EDA: variants seen among roughly 807,000 people sequenced by gnomAD.
EDA encodes ectodysplasin A, also known as ectodysplasin-A.
In EDA, 2 loss-of-function variants were observed where a neutral mutation model predicts 23.6. The observed-to-expected ratio is 0.08, with a 90% CI of 0.03 to 0.27. The LOEUF is 0.27. EDA is among the 10% of genes least tolerant of loss of function. The pLI, the probability that EDA is intolerant of heterozygous loss-of-function variation, is 1.00. For missense variants in EDA, 229 were observed against 324.2 expected (o/e 0.71, Z 2.26); for synonymous variants, 131 against 132.0 (o/e 0.99, Z 0.05).
chrX:69,770,638 G>A lies in EDA; in HGVS notation c.396+153934G>A, dbSNP rs370703371. Among the ~76,000 whole-genome samples, 8 of 111,497 alleles carry A rather than the reference G, an allele frequency of 7.2e-5. No homozygotes were observed. In the East Asian group the frequency reaches 1.7e-3, roughly 23 times the overall value. On this transcript the variant is annotated intron_variant, in intron 1 of 7. Transcript: ENST00000374552. ...ATTCAACATACTAGTCCTCTTGGAT[G>A]TGGGTCTTGCAAGTATTTTTCTCCC...
chrX:69,829,435 A>C (rs1264555680), intron 1 of EDA, among the ~76,000 whole-genome samples: 1 of 112,252 alleles, frequency 8.9e-6, no homozygotes, highest in African/African-American at 3.2e-5. Flanking sequence ...TACTGCTTTC[A>C]ATGATGACAG....
chrX:69,688,730 T>C (rs747840695), intron 1 of EDA, among the ~76,000 whole-genome samples: 3 of 111,484 alleles, frequency 2.7e-5, no homozygotes, highest in African/African-American at 9.8e-5. Flanking sequence ...CAGAGTGGCT[T>C]AGAGTGTAGG....
At chrX:69,917,731 G>A (rs1160283754) in intron 1 of EDA, among the ~76,000 whole-genome samples, 2 of 110,676 alleles carry the variant, frequency 1.8e-5, no homozygotes. Flanking sequence ...AATTTCTATG[G>A]CACTTAGATT....
chrX:69,808,712 T>A (rs193275571), intron 1 of EDA, among the ~76,000 whole-genome samples: 21 of 112,082 alleles, frequency 1.9e-4, no homozygotes, highest in African/African-American at 6.5e-4. Flanking sequence ...AGATAAGGTA[T>A]GTTTTATTCC....
Position 69,802,163 on chromosome X carries a change from A to G in EDA, c.397-154864A>G, listed in dbSNP as rs1289844368. Among the ~76,000 whole-genome samples, 3 of 110,826 alleles carry G rather than the reference A, an allele frequency of 2.7e-5. No individual in the cohort carries two copies. In the East Asian group the frequency reaches 8.4e-4, roughly 31 times the overall value. On this transcript the variant is annotated intron_variant, in intron 1 of 7. Coordinates refer to ENST00000374552, the MANE Select transcript of EDA (RefSeq NM_001399.5). ...ATGGTATATTAAATATACAGTGAAT[A>G]CTATATACTAGAGGAAAATGAATGG...
chrX:69,743,241 G>GCTA (rs1370567082), intron 1 of EDA, among the ~76,000 whole-genome samples: 1 of 111,575 alleles, frequency 9.0e-6, no homozygotes, highest in African/African-American at 3.3e-5. Flanking sequence ...TGCCGCCGTT[G>GCTA]CTACTACTAC....
chrX:69,755,746 C>T (rs2014089762), intron 1 of EDA, among the ~76,000 whole-genome samples: 1 of 112,502 alleles, frequency 8.9e-6, no homozygotes, highest in Admixed American at 9.3e-5. Context: ...TGTTTACCTA[C>T]TCAAGCCTCA....
intron 1 of EDA, among the ~76,000 whole-genome samples, chrX:69,665,291 T>A (rs1308991765): frequency 8.9e-6 from 1 of 112,172 alleles, no homozygotes; most frequent in Non-Finnish European, 1.9e-5. Flanking sequence ...TGTTTCCTTT[T>A]CTGTGCAGAA....
chrX:69,817,835 A>G (rs980450529), intron 1 of EDA, among the ~76,000 whole-genome samples: 1 of 111,606 alleles, frequency 9.0e-6, no homozygotes, highest in Admixed American at 9.5e-5. Context: ...TTTCAAAAAA[A>G]TATTCAGGAC....
chrX:69,941,140 T>A (rs1407008125), intron 1 of EDA, among the ~76,000 whole-genome samples: 1 of 112,204 alleles, frequency 8.9e-6, no homozygotes, highest in Non-Finnish European at 1.9e-5. Flanking sequence ...AGATACTTGA[T>A]ATTATTTCAA....
rs1349440289 is a variant in EDA at position 69,616,594 on chromosome X, C to A, written c.286C>A (p.Leu96Ile). The change falls in exon 1 of 8, where the codon CTC becomes ATC. Residue 96 changes from leucine to isoleucine, a missense_variant. Physicochemically the swap from Leu to Ile is conservative, Grantham distance 5 (BLOSUM62 2). Coordinates refer to ENST00000374552, the MANE Select transcript of EDA (RefSeq NM_001399.5). ...TGGCACCCTAAGCAGCCTCGGTGGC[C>A]TCGACCCTGACAGCCCCATCACCAG... Reference protein sequence around the residue: ...TSGTLSSLGGLDPDSPITSHL... With the variant: ...TSGTLSSLGGIDPDSPITSHL... 8.3e-7 allele frequency: 1 copy of A among 1,209,892 alleles called. No homozygotes were observed. Among genetic ancestry groups the A allele is most frequent in the East Asian group, 3.0e-5 (1 of 33,684 alleles).
At chrX:69,866,742 C>T (rs747242485) in intron 1 of EDA, among the ~76,000 whole-genome samples, 4 of 111,925 alleles carry the variant, frequency 3.6e-5, no homozygotes, top group Non-Finnish European at 7.5e-5. Flanking sequence ...AAGGCCATTC[C>T]ACCGTTCTGT....
chrX:69,684,286 A>G (rs1040982022), intron 1 of EDA, among the ~76,000 whole-genome samples: 1 of 111,819 alleles, frequency 8.9e-6, no homozygotes, highest in Non-Finnish European at 1.9e-5. Flanking sequence ...AAGGAAGGAG[A>G]CAGAAAAACC....
chrX:69,824,367 A>C (rs1239220505), intron 1 of EDA, among the ~76,000 whole-genome samples: 1 of 108,540 alleles, frequency 9.2e-6, no homozygotes, highest in Middle Eastern at 4.3e-3. Context: ...ATCCTCTTTT[A>C]TTTCCTTGAG....
intron 1 of EDA, among the ~76,000 whole-genome samples, chrX:69,807,201 T>C (rs1262228400): frequency 4.6e-5 from 5 of 109,477 alleles, no homozygotes; most frequent in Non-Finnish European, 7.6e-5. Context: ...CTGTGACACA[T>C]AGTATCTTAA....
intron 1 of EDA, among the ~76,000 whole-genome samples, chrX:69,820,044 A>G (rs1196619581): frequency 9.0e-6 from 1 of 111,570 alleles, no homozygotes; most frequent in Non-Finnish European, 1.9e-5. Flanking sequence ...ACAAGACCAG[A>G]CACATAGACC....
intron 1 of EDA, among the ~76,000 whole-genome samples, chrX:69,840,849 A>C (rs1569351912): frequency 8.9e-6 from 1 of 111,820 alleles, no homozygotes; most frequent in Non-Finnish European, 1.9e-5. Context: ...TTATATCCTC[A>C]CATGTCAGAA....
intron 1 of EDA, 159 bp downstream of exon 1, chrX:69,616,863 G>A (rs1218262820): frequency 2.9e-6 from 2 of 693,053 alleles, no homozygotes; most frequent in African/African-American, 4.4e-5. Flanking sequence ...GCCCAGGGCA[G>A]GTTGTCTTCG....
At chrX:69,917,901 T>A (rs2018369165) in intron 1 of EDA, among the ~76,000 whole-genome samples, 1 of 111,211 alleles carries the variant, frequency 9.0e-6, no homozygotes, top group Non-Finnish European at 1.9e-5. Context: ...TATTCTATAA[T>A]GTCTGGTAAT....
Sources: allele counts gnomAD v4.1 joint callset (sites outside exome capture counted in the v4.1 genomes callset), GRCh38; gene constraint gnomAD v4.1.1; transcripts MANE v1.5; gene names NCBI Gene and HGNC (gene_info 2026-07-23, HGNC 2026-07-21).